The following RBM34 variants were observed in gnomAD, a reference collection of about 807,000 sequenced individuals.
The protein encoded by RBM34 is RNA-binding protein 34.
A neutral mutation model predicts 44.6 loss-of-function variants in RBM34; 39 were observed. That is an observed-to-expected ratio of 0.87 (90% CI 0.68 to 1.14). The LOEUF (loss-of-function observed/expected upper bound fraction) is 1.14. Among genes scored for constraint, RBM34 ranks in the 50% most tolerant of loss-of-function variants. RBM34 has a pLI of 0.00. For missense variants in RBM34, 572 were observed against 517.9 expected (o/e 1.10, Z -1.01); for synonymous variants, 194 against 184.0 (o/e 1.05, Z -0.44).
intron 10 of RBM34, 23 bp from the exon 11 acceptor site, chr1:235,132,020 T>A (rs1424222247): frequency 5.2e-6 from 8 of 1,547,928 alleles, no homozygotes; most frequent in Non-Finnish European, 6.1e-6. Context: ...ACACAATACA[T>A]TAATTGCTAC....
At chr1:235,153,974 C>T (rs899893263) in intron 4 of RBM34, among the ~76,000 whole-genome samples, 1 of 152,008 alleles carries the variant, frequency 6.6e-6, no homozygotes, top group East Asian at 1.9e-4. Flanking sequence ...AGGCTGGGTG[C>T]GGTTGCTCAT....
intron 4 of RBM34, among the ~76,000 whole-genome samples, chr1:235,154,514 T>C (rs1215912071): frequency 2.0e-5 from 3 of 151,878 alleles, no homozygotes; most frequent in Non-Finnish European, 4.4e-5. Flanking sequence ...CAGTGAGCAA[T>C]GATCATGCCA....
At chr1:235,155,752 A>C (rs1662376206) in intron 3 of RBM34, among the ~76,000 whole-genome samples, 1 of 136,870 alleles carries the variant, frequency 7.3e-6, no homozygotes, top group Non-Finnish European at 1.5e-5. Context: ...TTATCTGCCC[A>C]CCTTGGCCTC....
chr1:235,157,927 G>T (rs1399639177), intron 3 of RBM34, among the ~76,000 whole-genome samples: 1 of 152,156 alleles, frequency 6.6e-6, no homozygotes, highest in Non-Finnish European at 1.5e-5. Context: ...ATCCAAGTGC[G>T]TGGAAGGGTG....
At chr1:235,155,252 A>G in intron 3 of RBM34, 140 bp from the exon 4 acceptor site, 1 of 708,062 alleles carries the variant, frequency 1.4e-6, no homozygotes, top group South Asian at 1.7e-5. Context: ...ACTCACAAAT[A>G]TATCAAAATT....
At chr1:235,141,676 C>T (rs1433907975) in intron 6 of RBM34, among the ~76,000 whole-genome samples, 3 of 152,176 alleles carry the variant, frequency 2.0e-5, no homozygotes, top group Non-Finnish European at 4.4e-5. Context: ...TGAGCTGTAA[C>T]ACTCACCGCA....
At chr1:235,158,592 A>C (rs754452463) in intron 3 of RBM34, among the ~76,000 whole-genome samples, 10 of 152,156 alleles carry the variant, frequency 6.6e-5, no homozygotes, top group Non-Finnish European at 1.3e-4. Context: ...GAGGGGAAGA[A>C]ATATGGCTGT....
intron 10 of RBM34, among the ~76,000 whole-genome samples, chr1:235,133,925 C>A (rs1661310492): frequency 6.6e-6 from 1 of 152,108 alleles, no homozygotes; most frequent in Admixed American, 6.6e-5. Context: ...TGCAGTGGTG[C>A]AATCATGGCT....
rs190649619 is a variant in RBM34 at position 235,141,785 on chromosome 1, T to G, written c.702-3611A>C. On this transcript the variant is annotated intron_variant, in intron 6 of 10. Coordinates refer to ENST00000408888, the MANE Select transcript of RBM34 (RefSeq NM_015014.4). ...CTGCCTTAAGAGCTGTAACACTCAC[T>G]GCGAAGGTCTGCAGCTTTACTCCTG... is the stretch of plus-strand genomic sequence containing the variant. Among the ~76,000 whole-genome samples, 347 of 151,438 alleles carry G rather than the reference T, an allele frequency of 2.3e-3. 2 individuals carry two copies. The highest frequency in any genetic ancestry group is 3.5e-3 in the Non-Finnish European group (234 of 67,810).
In RBM34 at chr1:235,131,693, G is replaced by T; in HGVS notation, c.*20C>A. On this transcript the variant is annotated 3_prime_UTR_variant, in exon 11 of 11. Transcript: ENST00000408888. Reference sequence around the variant, plus strand: ...TTATTAGCAGTACTCAGCAGGAAAAGAAAAAGCAGTTCCTGGTTGTTATTT... The same window carrying T: ...TTATTAGCAGTACTCAGCAGGAAAATAAAAAGCAGTTCCTGGTTGTTATTT... The T allele has an allele frequency of 6.4e-7, 1 of 1,573,992 alleles. No homozygotes were observed. The highest frequency in any genetic ancestry group is 8.6e-7 in the Non-Finnish European group (1 of 1,164,922).
intron 6 of RBM34, among the ~76,000 whole-genome samples, chr1:235,141,916 C>T (rs1196279621): frequency 5.3e-5 from 8 of 152,200 alleles, no homozygotes; most frequent in African/African-American, 1.2e-4. Flanking sequence ...TAACACTCAC[C>T]GCGAGGGTCC....
In RBM34 at chr1:235,131,660, T is replaced by A; in HGVS notation, c.*53A>T. 2 of 1,527,688 alleles carry A rather than the reference T, an allele frequency of 1.3e-6. No homozygotes were observed. The highest frequency in any genetic ancestry group is 4.5e-5 in the East Asian group (2 of 44,254). The allele number at this position is 1,527,688 out of a possible 1,614,324, so 94.6% of individuals were successfully genotyped here. ...AGCAGACGATGCTATCAGCAGATAA[T>A]AGCACTTTTATTAGCAGTACTCAGC... is the stretch of plus-strand genomic sequence containing the variant. On this transcript the variant is annotated 3_prime_UTR_variant, in exon 11 of 11. Transcript: ENST00000408888.
Position 235,160,509 on chromosome 1 carries a change from A to C in RBM34, c.365+2T>G. 2 of 1,609,410 alleles carry C rather than the reference A, an allele frequency of 1.2e-6. No individual in the cohort carries two copies. The highest frequency in any genetic ancestry group is 1.7e-6 in the Non-Finnish European group (2 of 1,178,864). On this transcript the variant is annotated splice_donor_variant, in intron 3 of 10. Coordinates refer to ENST00000408888, the MANE Select transcript of RBM34 (RefSeq NM_015014.4). LOFTEE classifies it high-confidence loss of function. ...AACATCAAATAAGAGAATTTTACCA[A>C]CCTGTCTGCCAACTTTTTTTCTGCG...
At chr1:235,148,359 G>A in intron 6 of RBM34, 45 bp downstream of exon 6, 1 of 1,451,604 alleles carries the variant, frequency 6.9e-7, no homozygotes, top group East Asian at 2.4e-5. Context: ...TAGCCAAAAA[G>A]GAAGAAAGTT....
chr1:235,152,906 T>TCGCC (rs1662225567), intron 4 of RBM34, 141 bp from the exon 5 acceptor site: 10 of 704,894 alleles, frequency 1.4e-5, no homozygotes, highest in Non-Finnish European at 2.2e-5. Flanking sequence ...TCTTGCACTT[T>TCGCC]CGCCCAGGCT....
intron 3 of RBM34, chr1:235,160,106 T>C: frequency 6.4e-6 from 2 of 313,464 alleles, no homozygotes; most frequent in Non-Finnish European, 1.3e-5. Flanking sequence ...ATACAAAAAT[T>C]AGCTGGGCAT....
At chr1:235,142,909 A>T (rs1358251195) in intron 6 of RBM34, among the ~76,000 whole-genome samples, 2 of 140,992 alleles carry the variant, frequency 1.4e-5, no homozygotes, top group Non-Finnish European at 3.0e-5. Context: ...GCCTGGTGAC[A>T]GAGCAAGGAT....
chr1:235,141,962 C>T (rs987426882), intron 6 of RBM34, among the ~76,000 whole-genome samples: 5 of 152,216 alleles, frequency 3.3e-5, no homozygotes, highest in Admixed American at 3.3e-4. Flanking sequence ...GACCAAGAAC[C>T]CACCAATTCC....
At chr1:235,144,064 G>T (rs773939884) in intron 6 of RBM34, among the ~76,000 whole-genome samples, 1 of 151,720 alleles carries the variant, frequency 6.6e-6, no homozygotes, top group African/African-American at 2.4e-5. Context: ...GTAGTCCCAG[G>T]TATTTAGGAG....
Sources: allele counts gnomAD v4.1 joint callset (sites outside exome capture counted in the v4.1 genomes callset), GRCh38; gene constraint gnomAD v4.1.1; transcripts MANE v1.5; gene names NCBI Gene and HGNC (gene_info 2026-07-23, HGNC 2026-07-21).